The following SLIT3 variants were observed in gnomAD, a reference collection of about 807,000 sequenced individuals.
The protein encoded by SLIT3 is slit guidance ligand 3.
Under a neutral mutation model 184.0 loss-of-function variants are expected in SLIT3, and 68 were observed. The ratio of observed to expected loss-of-function variants is 0.37; its 90% CI spans 0.30 to 0.45. The LOEUF (loss-of-function observed/expected upper bound fraction) is 0.45, where lower values mean the gene tolerates loss of function less well. Ranked by LOEUF, SLIT3 falls within the 20% of genes least tolerant of loss-of-function variation. The probability of loss-of-function intolerance (pLI) is 1.00; values close to 1 mark genes in which losing one functional copy is unlikely to be tolerated. For synonymous variants in SLIT3, 831 were observed against 828.6 expected (o/e 1.00, Z -0.05); for missense variants, 1,707 against 2,026.0 (o/e 0.84, Z 3.02).
intron 4 of SLIT3, among the ~76,000 whole-genome samples, chr5:168,958,229 T>G (rs1190708602): frequency 6.6e-6 from 1 of 152,218 alleles, no homozygotes; most frequent in Non-Finnish European, 1.5e-5. Flanking sequence ...CTATCACGGA[T>G]TCAGAAAACC....
At chr5:169,136,684 AT>A (rs1485554920) in intron 4 of SLIT3, among the ~76,000 whole-genome samples, 1 of 152,118 alleles carries the variant, frequency 6.6e-6, no homozygotes, top group Non-Finnish European at 1.5e-5. Flanking sequence ...TCAATGCCTC[AT>A]TATGGGCCTG....
intron 1 of SLIT3, among the ~76,000 whole-genome samples, chr5:169,262,526 C>A (rs1000599843): frequency 2.0e-5 from 3 of 152,238 alleles, no homozygotes; most frequent in Admixed American, 1.3e-4. Context: ...AGGTGGTGTC[C>A]AGGCTGTGAG....
chr5:168,911,504 G>C (rs555834552), intron 4 of SLIT3, among the ~76,000 whole-genome samples: 1 of 152,200 alleles, frequency 6.6e-6, no homozygotes, highest in African/African-American at 2.4e-5. Context: ...GCATAGCTTA[G>C]GAAGTTATTT....
At chr5:168,787,846 T>A (rs556723669) in intron 11 of SLIT3, among the ~76,000 whole-genome samples, 1 of 152,224 alleles carries the variant, frequency 6.6e-6, no homozygotes, top group South Asian at 2.1e-4. Context: ...TGAGCTGGGA[T>A]TGTGTGTGCT....
chr5:168,868,867 A>G (rs547933949), intron 5 of SLIT3, among the ~76,000 whole-genome samples: 2 of 152,186 alleles, frequency 1.3e-5, no homozygotes, highest in Non-Finnish European at 2.9e-5. Flanking sequence ...GAGGAGAAGC[A>G]GTGTGCCCAA....
intron 1 of SLIT3, among the ~76,000 whole-genome samples, chr5:169,284,386 C>T (rs527566314): frequency 6.6e-6 from 1 of 152,332 alleles, no homozygotes; most frequent in African/African-American, 2.4e-5. Flanking sequence ...CATCAGCAGA[C>T]ACTACCATGC....
intron 4 of SLIT3, among the ~76,000 whole-genome samples, chr5:169,081,835 C>T (rs1269843285): frequency 6.6e-6 from 1 of 152,182 alleles, no homozygotes; most frequent in African/African-American, 2.4e-5. Flanking sequence ...CACCGTCTCA[C>T]TTACTCTTCA....
At chr5:168,883,456 C>G (rs1049848572) in intron 4 of SLIT3, 120 bp from the exon 5 acceptor site, 1 of 725,412 alleles carries the variant, frequency 1.4e-6, no homozygotes, top group Admixed American at 2.3e-5. Context: ...GAGTGTATGG[C>G]GGCTGTTTGG....
chr5:169,294,484 C>T (rs935092417), intron 1 of SLIT3, among the ~76,000 whole-genome samples: 8 of 152,190 alleles, frequency 5.3e-5, no homozygotes, highest in Non-Finnish European at 1.2e-4. Context: ...GGGGCCTAGC[C>T]AAGAGGGTAT....
intron 1 of SLIT3, among the ~76,000 whole-genome samples, chr5:169,299,697 T>C (rs548429808): frequency 6.6e-6 from 1 of 152,142 alleles, no homozygotes; most frequent in Non-Finnish European, 1.5e-5. Flanking sequence ...GAAAAGTAAA[T>C]ATTTGGTTGC....
Position 168,692,637 on chromosome 5 carries a change from G to C in SLIT3, c.3146C>G (p.Ala1049Gly). Residue 1049 changes from alanine (A) to glycine (G), a missense_variant, in exon 29 of 36, where the codon GCC becomes GGC. Ala to Gly is a moderately conservative substitution (Grantham distance 60). Transcript: ENST00000519560. ...TCCTTTGTCCAGGGGGATGCACTTGGCCTCATGCTGACAGAGGTTCAGCTC... is the reference window on the plus strand; with the variant it reads ...TCCTTTGTCCAGGGGGATGCACTTGCCCTCATGCTGACAGAGGTTCAGCTC... The part of the protein sequence containing the change: ...VPELNLCQHE[A>G]KCIPLDKGFS... 1 of 1,614,042 alleles carries C rather than the reference G, an allele frequency of 6.2e-7. No individual in the cohort carries two copies. The highest frequency in any genetic ancestry group is 1.1e-5 in the South Asian group (1 of 91,050).
chr5:168,876,509 G>A (rs905864684), intron 5 of SLIT3, among the ~76,000 whole-genome samples: 1 of 152,014 alleles, frequency 6.6e-6, no homozygotes, highest in African/African-American at 2.4e-5. Flanking sequence ...AATCTCTCAC[G>A]AGCATCAACT....
intron 4 of SLIT3, among the ~76,000 whole-genome samples, chr5:169,167,333 G>C (rs1194400252): frequency 2.2e-5 from 3 of 136,830 alleles, no homozygotes; most frequent in African/African-American, 8.3e-5. Flanking sequence ...GGAGTGCAGT[G>C]GTGCGATCTT....
chr5:168,999,531 A>G (rs1436066607), intron 4 of SLIT3, among the ~76,000 whole-genome samples: 1 of 152,188 alleles, frequency 6.6e-6, no homozygotes, highest in Admixed American at 6.5e-5. Flanking sequence ...TGAAGCAGGC[A>G]GATGGAGACC....
intron 4 of SLIT3, among the ~76,000 whole-genome samples, chr5:168,994,465 A>G (rs1755440626): frequency 6.6e-6 from 1 of 151,942 alleles, no homozygotes; most frequent in Non-Finnish European, 1.5e-5. Flanking sequence ...TGTCCATCTC[A>G]ATCCCCTCTT....
At chr5:168,688,407 G>T (rs1325952176) in intron 29 of SLIT3, among the ~76,000 whole-genome samples, 1 of 152,134 alleles carries the variant, frequency 6.6e-6, no homozygotes, top group Non-Finnish European at 1.5e-5. Context: ...GCAAAGGGAT[G>T]GTTCTCCCTC....
At chr5:168,803,097 G>A (rs1056176652) in intron 9 of SLIT3, among the ~76,000 whole-genome samples, 2 of 152,170 alleles carry the variant, frequency 1.3e-5, no homozygotes, top group African/African-American at 2.4e-5. Context: ...ACAAGGTGGT[G>A]ACAAGACCTT....
intron 4 of SLIT3, among the ~76,000 whole-genome samples, chr5:169,150,007 G>A (rs1762060846): frequency 6.6e-6 from 1 of 152,174 alleles, no homozygotes; most frequent in Non-Finnish European, 1.5e-5. Flanking sequence ...AAAATAACTT[G>A]CCCACCATCA....
In SLIT3 at chr5:169,064,638, T is replaced by TA. The variant is rs149104002; in HGVS notation, c.413+128840dup. On this transcript the variant is annotated intron_variant, in intron 4 of 35. Coordinates refer to ENST00000519560, the MANE Select transcript of SLIT3 (RefSeq NM_003062.4). ...CAATAACTGGCTGTATGATGAGTGT[T>TA]ACGGCTTCCCGTGCCATAAGTCTCT... Among the ~76,000 whole-genome samples, 1,091 of 152,338 alleles carry TA rather than the reference T, an allele frequency of 7.2e-3. 10 individuals are homozygous for TA. The highest frequency in any genetic ancestry group is 0.025 in the African/African-American group (1,026 of 41,580).
Sources: gnomAD v4.1 joint callset for allele counts (sites outside exome capture counted in the v4.1 genomes callset) on GRCh38, gnomAD v4.1.1 for gene constraint, MANE v1.5 for transcripts, NCBI Gene and HGNC (gene_info 2026-07-23, HGNC 2026-07-21) for gene names.